The following COL21A1 variants were observed in gnomAD, a reference collection of about 807,000 sequenced individuals.
The protein encoded by COL21A1 is collagen type XXI alpha 1 chain, also known as collagen alpha-1(XXI) chain.
A neutral mutation model predicts 137.9 loss-of-function variants in COL21A1; 149 were observed. The ratio of observed to expected loss-of-function variants is 1.08; its 90% confidence interval spans 0.95 to 1.24. The LOEUF is 1.24. Among genes scored for constraint, COL21A1 ranks in the 50% most tolerant of loss-of-function variants. COL21A1 has a pLI of 0.00. For synonymous variants in COL21A1, 456 were observed against 391.5 expected (o/e 1.16, Z -1.95); for missense variants, 1,167 against 1,158.4 (o/e 1.01, Z -0.11).
At chr6:56,386,937 T>G (rs1379199232) in intron 1 of COL21A1, among the ~76,000 whole-genome samples, 1 of 152,220 alleles carries the variant, frequency 6.6e-6, no homozygotes, top group East Asian at 1.9e-4. Context: ...GTGAAAGCCC[T>G]TCCATCTCCC....
At chr6:56,108,020 T>C (rs1224617166) in intron 16 of COL21A1, among the ~76,000 whole-genome samples, 1 of 151,968 alleles carries the variant, frequency 6.6e-6, no homozygotes, top group African/African-American at 2.4e-5. Context: ...AACAAAGAGT[T>C]GATGCTCAAG....
intron 16 of COL21A1, among the ~76,000 whole-genome samples, chr6:56,109,068 C>T (rs62411458): frequency 0.15 from 22,786 of 150,950 alleles, 1,748 homozygotes; most frequent in Middle Eastern, 0.22. Flanking sequence ...GGATACAACT[C>T]AAACAAAGAT....
chr6:56,374,506 C>T (rs2093995779), intron 1 of COL21A1, among the ~76,000 whole-genome samples: 1 of 152,054 alleles, frequency 6.6e-6, no homozygotes, highest in African/African-American at 2.4e-5. Flanking sequence ...TAGCGGATCA[C>T]AAGGTCAAGA....
chr6:56,239,089 C>T (rs1214647000), intron 1 of COL21A1, among the ~76,000 whole-genome samples: 2 of 152,288 alleles, frequency 1.3e-5, no homozygotes, highest in Middle Eastern at 6.8e-3. Flanking sequence ...ATAATCTTAG[C>T]TATTACTCTA....
Position 56,166,980 on chromosome 6 carries a change from CA to C in COL21A1, c.1203del (p.Phe401LeufsTer37). ...CAGTAGATTCGCAACTTTTGGACAT[CA>C]AACTAAGAACATAAACCCAGTAGAA... ...KYSGKEETVQ[F>X]DVQKLRIYCD... On this transcript the variant is annotated frameshift_variant and splice_region_variant, in exon 7 of 30. Transcript: ENST00000244728. LOFTEE classifies it high-confidence loss of function. 6.2e-7 allele frequency: 1 copy of C among 1,609,372 alleles called. No individual in the cohort carries two copies. The highest frequency in any genetic ancestry group is 8.5e-7 in the Non-Finnish European group (1 of 1,177,302).
intron 1 of COL21A1, among the ~76,000 whole-genome samples, chr6:56,379,140 A>C (rs1222989302): frequency 6.6e-6 from 1 of 152,232 alleles, no homozygotes; most frequent in Non-Finnish European, 1.5e-5. Context: ...CGAAGACTAC[A>C]ATAAATACCT....
intron 1 of COL21A1, among the ~76,000 whole-genome samples, chr6:56,330,463 G>C (rs1009853235): frequency 2.0e-5 from 3 of 151,994 alleles, no homozygotes; most frequent in Non-Finnish European, 4.4e-5. Flanking sequence ...CTACCAGGTA[G>C]AGAAACATTC....
intron 5 of COL21A1, among the ~76,000 whole-genome samples, chr6:56,169,987 G>A (rs1776905486): frequency 6.6e-6 from 1 of 151,842 alleles, no homozygotes; most frequent in South Asian, 2.1e-4. Flanking sequence ...TTCCTAAACT[G>A]TGTAATATGG....
At chr6:56,251,444 G>C (rs1401269065), upstream of COL21A1, among the ~76,000 whole-genome samples, 1 of 152,106 alleles carries the variant, frequency 6.6e-6, no homozygotes, top group East Asian at 1.9e-4. Context: ...ACAAGTCCAA[G>C]GGAGAAAAAC....
chr6:56,162,216 A>G (rs1157584122), intron 9 of COL21A1, among the ~76,000 whole-genome samples: 1 of 152,206 alleles, frequency 6.6e-6, no homozygotes, highest in Admixed American at 6.5e-5. Flanking sequence ...AACCACTTCC[A>G]GGATAAAGAG....
intron 1 of COL21A1, among the ~76,000 whole-genome samples, chr6:56,347,777 A>G (rs1202433348): frequency 6.6e-6 from 1 of 152,192 alleles, no homozygotes; most frequent in East Asian, 1.9e-4. Context: ...GTATTACTAA[A>G]GATTCAAGAA....
chr6:56,284,547 C>T lies in COL21A1; in HGVS notation c.-38-101891G>A, dbSNP rs536505232. On this transcript the variant is annotated intron_variant, in intron 1 of 28. Coordinates refer to the COL21A1 transcript ENST00000370819. ...GGCTTTTCATCTCCATCCCCAATGT[C>T]ATTATTCTCCTGGACTAGTGCAATA... Among the ~76,000 whole-genome samples the T allele has an allele frequency of 5.3e-4, 80 of 152,190 alleles. No homozygotes were observed. The South Asian group carries it at 0.016, about 31-fold the overall frequency.
chr6:56,381,390 A>C (rs930005106), intron 1 of COL21A1, among the ~76,000 whole-genome samples: 3 of 152,236 alleles, frequency 2.0e-5, no homozygotes, highest in Admixed American at 6.5e-5. Flanking sequence ...GAAACAAGCT[A>C]TCTCTCCATC....
At chr6:56,070,010 G>A (rs1766605586) in intron 21 of COL21A1, among the ~76,000 whole-genome samples, 1 of 151,368 alleles carries the variant, frequency 6.6e-6, no homozygotes, top group African/African-American at 2.4e-5. Flanking sequence ...TATAGGAATT[G>A]TCCTTTCTGA....
intron 1 of COL21A1, among the ~76,000 whole-genome samples, chr6:56,375,808 G>A (rs1279427120): frequency 1.3e-5 from 2 of 152,120 alleles, no homozygotes; most frequent in Non-Finnish European, 2.9e-5. Flanking sequence ...GAAATTAAAG[G>A]CAGGAAGAAA....
intron 12 of COL21A1, among the ~76,000 whole-genome samples, chr6:56,131,966 A>C (rs547591215): frequency 6.6e-6 from 1 of 152,210 alleles, no homozygotes; most frequent in African/African-American, 2.4e-5. Flanking sequence ...AAGGCTAAAA[A>C]TAAAAGGAAG....
chr6:56,220,461 G>A (rs1328790073), intron 1 of COL21A1, among the ~76,000 whole-genome samples: 1 of 152,130 alleles, frequency 6.6e-6, no homozygotes, highest in African/African-American at 2.4e-5. Context: ...TGCTTATTTG[G>A]TGTCATTCTC....
At chr6:56,318,244 T>A (rs186272947) in intron 1 of COL21A1, among the ~76,000 whole-genome samples, 2 of 152,244 alleles carry the variant, frequency 1.3e-5, no homozygotes, top group East Asian at 3.9e-4. Flanking sequence ...TTAGTATGAC[T>A]CCCACTCTGG....
intron 1 of COL21A1, among the ~76,000 whole-genome samples, chr6:56,231,480 T>C (rs956662952): frequency 1.2e-4 from 18 of 151,772 alleles, no homozygotes; most frequent in Admixed American, 6.6e-5. Flanking sequence ...CACTAAGACA[T>C]TGCAGGAATT....
Sources: allele counts gnomAD v4.1 joint callset (sites outside exome capture counted in the v4.1 genomes callset), GRCh38; gene constraint gnomAD v4.1.1; transcripts MANE v1.5; gene names NCBI Gene and HGNC (gene_info 2026-07-23, HGNC 2026-07-21).